Variants in CACNA1A observed in about 807,000 individuals in gnomAD.
CACNA1A encodes the protein calcium voltage-gated channel subunit alpha1 A.
Under a neutral mutation model 262.4 loss-of-function variants are expected in CACNA1A, and 57 were observed. That is an observed-to-expected ratio of 0.22 (90% confidence interval 0.18 to 0.27). CACNA1A has a LOEUF of 0.27. Among genes scored for constraint, CACNA1A ranks in the 10% least tolerant of loss-of-function variants. The pLI, the probability that CACNA1A is intolerant of heterozygous loss-of-function variation, is 1.00. For synonymous variants in CACNA1A, 1,431 were observed against 1,419.3 expected (o/e 1.01, Z -0.18); for missense variants, 2,526 against 3,562.8 (o/e 0.71, Z 7.41).
chr19:13,409,731 A>C (rs73507051), intron 3 of CACNA1A, among the ~76,000 whole-genome samples: 7,673 of 151,912 alleles, frequency 0.051, 666 homozygotes, highest in African/African-American at 0.18. Flanking sequence ...TTGTGTAGAG[A>C]CAGTGTTTTG....
At chr19:13,354,249 T>TCC (rs1399975571) in intron 6 of CACNA1A, among the ~76,000 whole-genome samples, 3 of 152,244 alleles carry the variant, frequency 2.0e-5, no homozygotes, top group African/African-American at 7.2e-5. Flanking sequence ...GTCTGGACTC[T>TCC]CCGTTGATCT....
At chr19:13,457,648 C>G (rs2061038364) in intron 1 of CACNA1A, among the ~76,000 whole-genome samples, 1 of 152,050 alleles carries the variant, frequency 6.6e-6, no homozygotes, top group Non-Finnish European at 1.5e-5. Context: ...GTTGGGAGTT[C>G]AAGACCAGCA....
chr19:13,363,609 C>A (rs1482291027), intron 5 of CACNA1A: 1 of 151,994 alleles, frequency 6.6e-6, no homozygotes, highest in African/African-American at 2.4e-5. Flanking sequence ...AGGGAGGGCT[C>A]AGGGGCTGCC....
chr19:13,259,645 T>C lies in CACNA1A; in HGVS notation c.4307A>G (p.Lys1436Arg). Residue 1436 changes from lysine to arginine, a missense_variant, in exon 27 of 47, where the codon AAG becomes AGG. This residue lies in a region of CACNA1A where 137 missense variants were observed against 377.7 expected (regional missense o/e 0.36). Transcript: ENST00000360228. ...NEVKARDREW[K>R]KYEFHYDNVL... ...ATTGTCGTAATGGAATTCATACTTCTTCCACTCCCGGTCTCGCGCCTTCAC... is the reference window on the plus strand; with the variant it reads ...ATTGTCGTAATGGAATTCATACTTCCTCCACTCCCGGTCTCGCGCCTTCAC... 6.2e-7 allele frequency: 1 copy of C among 1,610,992 alleles called. No individual in the cohort carries two copies. Among genetic ancestry groups the C allele is most frequent in the Non-Finnish European group, 8.5e-7 (1 of 1,178,638 alleles).
At chr19:13,442,324 G>A (rs542253447) in intron 3 of CACNA1A, among the ~76,000 whole-genome samples, 13 of 152,126 alleles carry the variant, frequency 8.5e-5, no homozygotes, top group Non-Finnish European at 1.6e-4. Flanking sequence ...TTTTCCCACT[G>A]AGCAATGGGG....
intron 38 of CACNA1A, among the ~76,000 whole-genome samples, chr19:13,220,526 A>C (rs1478108924): frequency 6.6e-6 from 1 of 152,172 alleles, no homozygotes; most frequent in Non-Finnish European, 1.5e-5. Context: ...CTGGAAGTAG[A>C]TTCTCCCCCA....
chr19:13,385,332 C>A (rs930327142), intron 3 of CACNA1A, among the ~76,000 whole-genome samples: 1 of 150,722 alleles, frequency 6.6e-6, no homozygotes, highest in Non-Finnish European at 1.5e-5. Flanking sequence ...CAGGTTCAAG[C>A]GATTCTCCTG....
intron 1 of CACNA1A, among the ~76,000 whole-genome samples, chr19:13,463,991 T>C (rs2061173132): frequency 6.6e-6 from 1 of 152,206 alleles, no homozygotes; most frequent in African/African-American, 2.4e-5. Context: ...GAGAATGGAA[T>C]GAGCTGATAC....
intron 15 of CACNA1A, 40 bp from the exon 16 acceptor site, chr19:13,303,924 C>T (rs371530566): frequency 2.8e-5 from 39 of 1,391,618 alleles, no homozygotes; most frequent in Non-Finnish European, 3.8e-5. Flanking sequence ...ACCCCCCTCT[C>T]AGCCACGGGC....
Position 13,286,530 on chromosome 19 carries a change from G to A in CACNA1A, c.3526C>T (p.Pro1176Ser), listed in dbSNP as rs1458640910. 6 of 1,489,866 alleles carry A rather than the reference G, an allele frequency of 4.0e-6. No individual in the cohort carries two copies. Among genetic ancestry groups the A allele is most frequent in the Non-Finnish European group, 5.4e-6 (6 of 1,106,654 alleles). The allele number at this position is 1,489,866 out of a possible 1,614,324, so 92.3% of individuals were successfully genotyped here. A position where few individuals can be genotyped will look rare whatever the true frequency, so the allele number is the denominator to read the frequency against. ...TGTACGACGGTGTGGTTGAGGGGGG[G>A]TGGGCAGGCTGGGGGGATGTCCACT... ...TTVDIPPACP[P>S]PLNHTVVQVN... The change falls in exon 20 of 47, where the codon CCC becomes TCC. Residue 1176 changes from proline (P) to serine (S), a missense_variant. Physicochemically the swap from Pro to Ser is moderately conservative, Grantham distance 74. Around this residue, in one of 17 missense-constraint regions of CACNA1A, gnomAD observed 765 missense variants for 748.6 expected, o/e 1.02. Transcript: ENST00000360228.
At chr19:13,407,191 G>A (rs1056114478) in intron 3 of CACNA1A, among the ~76,000 whole-genome samples, 31 of 152,108 alleles carry the variant, frequency 2.0e-4, no homozygotes, top group Admixed American at 1.4e-3. Flanking sequence ...TTTCTGTTTG[G>A]TTTTGTGAAA....
chr19:13,356,334 C>T (rs565197334), intron 6 of CACNA1A, among the ~76,000 whole-genome samples: 2 of 152,274 alleles, frequency 1.3e-5, no homozygotes, highest in South Asian at 4.1e-4. Context: ...TGCTTCTCTT[C>T]GTTTTGCACA....
At chr19:13,235,507 C>T in intron 32 of CACNA1A, 107 bp downstream of exon 32, 2 of 838,692 alleles carry the variant, frequency 2.4e-6, no homozygotes, top group South Asian at 2.8e-5. Context: ...AGATTCTCTG[C>T]ACGACTACAT....
intron 38 of CACNA1A, among the ~76,000 whole-genome samples, chr19:13,222,050 G>T (rs1018336390): frequency 1.3e-5 from 2 of 151,984 alleles, no homozygotes; most frequent in African/African-American, 4.8e-5. Context: ...GGGATTACAG[G>T]TACCCGCCAC....
chr19:13,211,067 C>T (rs547777522), intron 43 of CACNA1A: 65 of 226,266 alleles, frequency 2.9e-4, no homozygotes, highest in Non-Finnish European at 5.1e-4. Flanking sequence ...TTGTCCCAAC[C>T]CTCTCCTGGG....
chr19:13,294,486 G>GTTTTT (rs1568503058), intron 19 of CACNA1A, among the ~76,000 whole-genome samples: 47 of 87,144 alleles, frequency 5.4e-4, no homozygotes, highest in South Asian at 1.0e-3. Flanking sequence ...ACTGTACCTG[G>GTTTTT]CTTTTTTTTT....
chr19:13,425,371 G>C (rs1469004493), intron 3 of CACNA1A, among the ~76,000 whole-genome samples: 33 of 152,106 alleles, frequency 2.2e-4, no homozygotes, highest in Non-Finnish European at 1.3e-4. Flanking sequence ...GGCCTCCTAG[G>C]GAGCAGGGGT....
At chr19:13,262,597 A>C in intron 25 of CACNA1A, 137 bp downstream of exon 25, 1 of 638,920 alleles carries the variant, frequency 1.6e-6, no homozygotes, top group Non-Finnish European at 2.9e-6. Context: ...TAATAATACA[A>C]ATATCCATAC....
chr19:13,374,178 G>A (rs1230506428), intron 3 of CACNA1A, among the ~76,000 whole-genome samples: 1 of 152,168 alleles, frequency 6.6e-6, no homozygotes, highest in Admixed American at 6.6e-5. Flanking sequence ...TGGATGGTGA[G>A]GTTCAAGCAG....
Sources: gnomAD v4.1 joint callset for allele counts (sites outside exome capture counted in the v4.1 genomes callset) on GRCh38, gnomAD v4.1.1 for gene constraint, gnomAD v4.1.1 regional missense constraint, MANE v1.5 for transcripts, NCBI Gene and HGNC (gene_info 2026-07-23, HGNC 2026-07-21) for gene names.